The following FGGY variants were observed in gnomAD, a reference collection of about 807,000 sequenced individuals.
The protein encoded by FGGY is FGGY carbohydrate kinase domain-containing protein.
FGGY carries 72 observed loss-of-function variants against 71.3 expected under a neutral mutation model. The ratio of observed to expected loss-of-function variants is 1.01; its 90% CI spans 0.84 to 1.23. The LOEUF is 1.23. Among genes scored for constraint, FGGY ranks in the 50% most tolerant of loss-of-function variants. The pLI, the probability that FGGY is intolerant of heterozygous loss-of-function variation, is 0.00. For missense variants in FGGY, 668 were observed against 682.3 expected, an observed-to-expected ratio of 0.98 and a Z score of 0.23; for synonymous variants, 251 against 250.3, an observed-to-expected ratio of 1.00 and a Z score of -0.02.
chr1:59,444,774 C>T (rs1340186443), intron 5 of FGGY, among the ~76,000 whole-genome samples: 3 of 152,180 alleles, frequency 2.0e-5, no homozygotes, highest in Non-Finnish European at 2.9e-5. Context: ...TGAGGTGGCA[C>T]AGTTTCATCC....
chr1:59,572,412 GC>G (rs1571449116), intron 8 of FGGY, among the ~76,000 whole-genome samples: 2 of 152,076 alleles, frequency 1.3e-5, no homozygotes, highest in East Asian at 3.9e-4. Context: ...GGCTGGAGAA[GC>G]AAAAAGGGGT....
At chr1:59,663,454 A>G (rs1224943750) in intron 12 of FGGY, among the ~76,000 whole-genome samples, 1 of 152,204 alleles carries the variant, frequency 6.6e-6, no homozygotes, top group Non-Finnish European at 1.5e-5. Flanking sequence ...TCCTGGTAAG[A>G]GTACTGCAGC....
chr1:59,640,574 C>CTGTGCTAAACCCAGGTA (rs1410740100), intron 11 of FGGY, among the ~76,000 whole-genome samples: 120 of 151,502 alleles, frequency 7.9e-4, no homozygotes, highest in African/African-American at 2.2e-3. Flanking sequence ...AAGCAAGATC[C>CTGTGCTAAACCCAGGTA]ATGTACAATT....
At chr1:59,484,435 G>T (rs561883601) in intron 6 of FGGY, among the ~76,000 whole-genome samples, 2 of 152,056 alleles carry the variant, frequency 1.3e-5, no homozygotes, top group South Asian at 2.1e-4. Flanking sequence ...ACCTTCTTGT[G>T]GACTGTCTCT....
chr1:59,352,052 AG>A (rs1470695203), intron 4 of FGGY, among the ~76,000 whole-genome samples: 1 of 152,222 alleles, frequency 6.6e-6, no homozygotes, highest in Non-Finnish European at 1.5e-5. Flanking sequence ...AAGAATTGTC[AG>A]ATGAAAGGAA....
At chr1:59,517,326 C>G (rs960902322) in intron 7 of FGGY, among the ~76,000 whole-genome samples, 1 of 126,240 alleles carries the variant, frequency 7.9e-6, no homozygotes, top group Non-Finnish European at 1.6e-5. Context: ...AGTGCAGTGG[C>G]GGGATCTCGG....
chr1:59,599,558 G>T (rs2096556411), intron 8 of FGGY, among the ~76,000 whole-genome samples: 1 of 151,954 alleles, frequency 6.6e-6, no homozygotes, highest in Non-Finnish European at 1.5e-5. Flanking sequence ...GCTGGGCGTG[G>T]TGGCATGTGC....
At chr1:59,323,384 C>T (rs2046758597) in intron 2 of FGGY, among the ~76,000 whole-genome samples, 1 of 152,234 alleles carries the variant, frequency 6.6e-6, no homozygotes, top group African/African-American at 2.4e-5. Context: ...GATAGCAATG[C>T]TATTGCACTA....
Position 59,699,501 on chromosome 1 carries a change from G to A in FGGY, c.1512+25368G>A, listed in dbSNP as rs994903215. 64 of 732,578 alleles carry A rather than the reference G, an allele frequency of 8.7e-5. No individual in the cohort carries two copies. The African/African-American group carries it at 1.1e-3, about 12-fold the overall frequency. The allele number at this position is 732,578 out of a possible 1,614,324, so 45.4% of individuals were successfully genotyped here. ...AACAACCCCTCTGCTCTTTTGCCAT[G>A]GATAGAAAAAGTATTTGTGGGTCAT... On this transcript the variant is annotated intron_variant, in intron 14 of 15. Coordinates refer to ENST00000303721, the MANE Select transcript of FGGY (RefSeq NM_018291.5).
At chr1:59,534,352 T>C (rs532649299) in intron 7 of FGGY, among the ~76,000 whole-genome samples, 17 of 152,322 alleles carry the variant, frequency 1.1e-4, no homozygotes, top group South Asian at 2.1e-4. Context: ...AATCTACGTC[T>C]GATTGGTGTA....
chr1:59,730,930 C>G (rs1432557875), intron 14 of FGGY, among the ~76,000 whole-genome samples: 1 of 152,198 alleles, frequency 6.6e-6, no homozygotes, highest in Non-Finnish European at 1.5e-5. Context: ...CGTTTAGTAG[C>G]CCACGCAAGG....
rs145950072 is a variant in FGGY at position 59,722,314 on chromosome 1, T to A, written c.1513-35617T>A. Among the ~76,000 whole-genome samples the A allele has an allele frequency of 2.9e-3, 448 of 152,276 alleles. 3 individuals carry two copies. The highest frequency in any genetic ancestry group is 0.01 in the African/African-American group (427 of 41,556). ...TGTTGGCCTTGGTCACCTAAGGTAG[T>A]GTTTGTCAGGCTTCTCCACTATAAA... On this transcript the variant is annotated intron_variant, in intron 14 of 15. Coordinates refer to ENST00000303721, the MANE Select transcript of FGGY (RefSeq NM_018291.5).
chr1:59,590,553 A>G (rs893664369), intron 8 of FGGY, among the ~76,000 whole-genome samples: 2 of 152,176 alleles, frequency 1.3e-5, no homozygotes, highest in African/African-American at 4.8e-5. Context: ...AATACTGGCA[A>G]ACCGAATCCA....
At chr1:59,520,675 A>G (rs192006593) in intron 7 of FGGY, among the ~76,000 whole-genome samples, 8 of 152,348 alleles carry the variant, frequency 5.3e-5, no homozygotes, top group African/African-American at 1.9e-4. Context: ...GATAATAAAT[A>G]TAAGAGGGTT....
chr1:59,672,179 G>A (rs1388175007), intron 13 of FGGY, among the ~76,000 whole-genome samples: 1 of 152,194 alleles, frequency 6.6e-6, no homozygotes, highest in Non-Finnish European at 1.5e-5. Flanking sequence ...GTGTGGCCTG[G>A]CATCTGTCCT....
intron 5 of FGGY, among the ~76,000 whole-genome samples, chr1:59,456,733 C>T (rs2091736200): frequency 6.6e-6 from 1 of 152,196 alleles, no homozygotes; most frequent in Non-Finnish European, 1.5e-5. Context: ...CAGGTGTGTG[C>T]CACTGTGCCC....
At position 59,346,360 on chromosome 1, in the gene FGGY, G is replaced by A. The variant is rs2153220126; in HGVS notation, c.427G>A (p.Val143Met). ...VLQYVGGVMS[V>M]EMQAPKLLWL... Reference sequence around the variant, plus strand: ...CCAGTACGTCGGGGGGGTGATGTCTGTGGAAATGCAGGCCCCGAAACTTCT... The same window carrying A: ...CCAGTACGTCGGGGGGGTGATGTCTATGGAAATGCAGGCCCCGAAACTTCT... The change falls in exon 4 of 16, where the codon GTG (valine) becomes ATG (methionine). Residue 143 changes from valine (V) to methionine (M), a missense_variant. By Grantham distance (21) the Val-to-Met change is conservative (BLOSUM62 1). Coordinates refer to ENST00000303721, the MANE Select transcript of FGGY (RefSeq NM_018291.5). The A allele has an allele frequency of 6.2e-7, 1 of 1,611,734 alleles. No individual in the cohort carries two copies. The highest frequency in any genetic ancestry group is 8.5e-7 in the Non-Finnish European group (1 of 1,179,614).
At chr1:59,752,507 A>G (rs1047032399) in intron 14 of FGGY, among the ~76,000 whole-genome samples, 3 of 152,120 alleles carry the variant, frequency 2.0e-5, no homozygotes, top group African/African-American at 7.2e-5. Context: ...CCCCTTCCTC[A>G]GGGTAGGGGA....
intron 14 of FGGY, among the ~76,000 whole-genome samples, chr1:59,701,949 A>G (rs116457600): frequency 1.3e-5 from 2 of 152,322 alleles, no homozygotes; most frequent in African/African-American, 4.8e-5. Flanking sequence ...TTACACTGCT[A>G]TAAAGATACT....
Sources: allele counts gnomAD v4.1 joint callset (sites outside exome capture counted in the v4.1 genomes callset), GRCh38; gene constraint gnomAD v4.1.1; transcripts MANE v1.5; gene names NCBI Gene and HGNC (gene_info 2026-07-23, HGNC 2026-07-21).